COL26A1: variants seen among roughly 807,000 people sequenced by gnomAD.
The protein encoded by COL26A1 is collagen alpha-1(XXVI) chain.
A neutral mutation model predicts 59.3 loss-of-function variants in COL26A1; 41 were observed. That is an observed-to-expected ratio of 0.69 (90% CI 0.54 to 0.90). The LOEUF (loss-of-function observed/expected upper bound fraction) is 0.90. COL26A1 is among the 40% of genes least tolerant of loss of function. The probability of loss-of-function intolerance (pLI) is 0.00; values close to 1 mark genes in which losing one functional copy is unlikely to be tolerated. For missense variants in COL26A1, 612 were observed against 602.3 expected, an observed-to-expected ratio of 1.02 and a Z score of -0.17; for synonymous variants, 266 against 256.0, an observed-to-expected ratio of 1.04 and a Z score of -0.37.
chr7:101,429,589 C>T (rs1296002617), intron 2 of COL26A1, among the ~76,000 whole-genome samples: 41 of 78,682 alleles, frequency 5.2e-4, no homozygotes, highest in South Asian at 1.4e-3. Flanking sequence ...TTCTTTTTTA[C>T]TTTTTTTTTT....
At chr7:101,556,696 G>A (rs1254476507) in intron 12 of COL26A1, among the ~76,000 whole-genome samples, 2 of 150,944 alleles carry the variant, frequency 1.3e-5, no homozygotes, top group South Asian at 2.1e-4. Flanking sequence ...GTGGATAAAT[G>A]AGTGGATGGA....
At chr7:101,455,508 T>C (rs866118026) in intron 3 of COL26A1, among the ~76,000 whole-genome samples, 3 of 146,178 alleles carry the variant, frequency 2.1e-5, no homozygotes, top group African/African-American at 7.6e-5. Context: ...CTTTTCTTTT[T>C]TTTTTTTTTT....
chr7:101,446,177 G>C (rs1793191336), intron 2 of COL26A1, among the ~76,000 whole-genome samples: 1 of 151,942 alleles, frequency 6.6e-6, no homozygotes, highest in African/African-American at 2.4e-5. Flanking sequence ...CCATTCATGA[G>C]AGGTCTGTCC....
intron 2 of COL26A1, among the ~76,000 whole-genome samples, chr7:101,436,621 C>T (rs1792922106): frequency 6.6e-6 from 1 of 152,070 alleles, no homozygotes; most frequent in Non-Finnish European, 1.5e-5. Context: ...CGCTTTGGGC[C>T]ACATCCACTT....
Position 101,375,084 on chromosome 7 carries a change from TAAAA to T in COL26A1, c.158+11900_158+11903del, listed in dbSNP as rs888557943. 1.8e-3 allele frequency among the ~76,000 whole-genome samples: 273 copies of T among 149,802 alleles called. 3 individuals carry two copies. The highest frequency in any genetic ancestry group is 6.2e-3 in the African/African-American group (254 of 40,668). On this transcript the variant is annotated intron_variant, in intron 1 of 12. Coordinates refer to ENST00000313669, the MANE Select transcript of COL26A1 (RefSeq NM_001278563.3). ...TAAAAAAAAATTTTTTTTAAATAAA[TAAAA>T]AAAAAGAGGAAGGCTGTGAAGAGTA...
At chr7:101,446,809 T>C (rs933648835) in intron 2 of COL26A1, among the ~76,000 whole-genome samples, 1 of 150,014 alleles carries the variant, frequency 6.7e-6, no homozygotes, top group East Asian at 2.0e-4. Flanking sequence ...ATCGCGCCAC[T>C]GCACTACAGC....
chr7:101,386,196 A>G (rs1584360175), intron 1 of COL26A1, among the ~76,000 whole-genome samples: 1 of 150,018 alleles, frequency 6.7e-6, no homozygotes, highest in East Asian at 2.0e-4. Context: ...TGCATTCTGA[A>G]TTGTGTATCT....
intron 2 of COL26A1, among the ~76,000 whole-genome samples, chr7:101,428,445 G>A (rs972971435): frequency 6.6e-6 from 1 of 152,066 alleles, no homozygotes; most frequent in Non-Finnish European, 1.5e-5. Context: ...AATGATGCGG[G>A]TATTCAGGGA....
At chr7:101,451,186 ATAAT>A (rs1448267537) in intron 3 of COL26A1, among the ~76,000 whole-genome samples, 4 of 143,280 alleles carry the variant, frequency 2.8e-5, no homozygotes, top group Admixed American at 2.2e-4. Flanking sequence ...ATATATCTCA[ATAAT>A]TAATATAATC....
chr7:101,431,403 G>A (rs115085503), intron 2 of COL26A1, among the ~76,000 whole-genome samples: 2,672 of 152,042 alleles, frequency 0.018, 75 homozygotes, highest in African/African-American at 0.062. Context: ...GGGACTTTGG[G>A]CGTGTGCCAC....
chr7:101,439,447 G>A (rs772090670), intron 2 of COL26A1, among the ~76,000 whole-genome samples: 20 of 151,082 alleles, frequency 1.3e-4, no homozygotes, highest in Non-Finnish European at 2.1e-4. Context: ...CCAGCTACTC[G>A]AGAGGCTCAG....
At chr7:101,539,783 C>T (rs979297987) in intron 4 of COL26A1, 110 bp from the exon 5 acceptor site, 36 of 1,128,510 alleles carry the variant, frequency 3.2e-5, no homozygotes, top group African/African-American at 1.6e-4. Flanking sequence ...GCACACACAG[C>T]GTGGACAGCT....
intron 3 of COL26A1, among the ~76,000 whole-genome samples, chr7:101,465,964 C>G (rs1032612535): frequency 6.6e-6 from 1 of 152,206 alleles, no homozygotes; most frequent in Non-Finnish European, 1.5e-5. Flanking sequence ...AGCTTTCCAC[C>G]TATCCAGGAC....
At chr7:101,458,541 G>C (rs1793532307) in intron 3 of COL26A1, among the ~76,000 whole-genome samples, 1 of 152,078 alleles carries the variant, frequency 6.6e-6, no homozygotes, top group Admixed American at 6.6e-5. Flanking sequence ...GGGAGGCTGA[G>C]GCAGGAGAAT....
intron 3 of COL26A1, among the ~76,000 whole-genome samples, chr7:101,465,034 CTTTTTTTTT>C (rs112899121): frequency 7.7e-6 from 1 of 130,064 alleles, no homozygotes; most frequent in Admixed American, 8.0e-5. Flanking sequence ...TTCTTTCTTT[CTTTTTTTTT>C]TTTTTTTTTG....
At chr7:101,363,292 C>A (rs1312277326) in intron 1 of COL26A1, 102 bp downstream of exon 1, 2 of 836,054 alleles carry the variant, frequency 2.4e-6, no homozygotes, top group Non-Finnish European at 3.1e-6. Flanking sequence ...GGCTGGAGAG[C>A]GGGGCGATCC....
chr7:101,385,656 C>T (rs1241847232), intron 1 of COL26A1, among the ~76,000 whole-genome samples: 2 of 151,946 alleles, frequency 1.3e-5, no homozygotes, highest in Non-Finnish European at 2.9e-5. Context: ...CAGGCGTGAG[C>T]CACCACGCCT....
intron 3 of COL26A1, among the ~76,000 whole-genome samples, chr7:101,502,117 G>A (rs146968100): frequency 0.011 from 1,738 of 152,234 alleles, 46 homozygotes; most frequent in African/African-American, 0.04. Flanking sequence ...TGGGAGGCTG[G>A]GGCAGGCAGA....
intron 3 of COL26A1, among the ~76,000 whole-genome samples, chr7:101,503,666 G>A (rs1223429272): frequency 6.6e-6 from 1 of 152,240 alleles, no homozygotes; most frequent in Non-Finnish European, 1.5e-5. Flanking sequence ...ACAGGCGTGA[G>A]CCACTGTGCC....
Sources: allele counts gnomAD v4.1 joint callset (sites outside exome capture counted in the v4.1 genomes callset), GRCh38; gene constraint gnomAD v4.1.1; transcripts MANE v1.5; gene names NCBI Gene and HGNC (gene_info 2026-07-23, HGNC 2026-07-21).